The following CTPS2 variants were observed in gnomAD, a reference collection of about 807,000 sequenced individuals.
CTPS2 encodes the protein CTP synthase II.
In CTPS2, 19 loss-of-function variants were observed where a neutral mutation model predicts 46.8. That is an observed-to-expected ratio of 0.41 (90% CI 0.28 to 0.60). The LOEUF is 0.60. Among genes scored for constraint, CTPS2 ranks in the 20% least tolerant of loss-of-function variants. CTPS2 has a pLI of 0.35. For missense variants in CTPS2, 286 were observed against 447.6 expected, an observed-to-expected ratio of 0.64 and a Z score of 3.26; for synonymous variants, 151 against 165.2, an observed-to-expected ratio of 0.91 and a Z score of 0.66.
At chrX:16,691,649 C>G (rs367904760) in intron 6 of CTPS2, 29 bp from the exon 7 acceptor site, 2 of 1,135,106 alleles carry the variant, frequency 1.8e-6, no homozygotes, top group Non-Finnish European at 2.4e-6. Flanking sequence ...CTTCAGCAAA[C>G]AGGATTCACT....
At chrX:16,663,984 T>C (rs181601361) in intron 13 of CTPS2, among the ~76,000 whole-genome samples, 1,964 of 110,692 alleles carry the variant, frequency 0.018, 38 homozygotes, top group African/African-American at 0.055. Flanking sequence ...TACAGGCGCG[T>C]GCCACCACGC....
At chrX:16,594,493 G>A (rs930305699) in intron 17 of CTPS2, among the ~76,000 whole-genome samples, 52 of 111,670 alleles carry the variant, frequency 4.7e-4, no homozygotes, top group Middle Eastern at 4.6e-3. Flanking sequence ...CTATTGATAG[G>A]GGTTATATAT....
intron 10 of CTPS2, among the ~76,000 whole-genome samples, chrX:16,678,008 A>AG (rs996302172): frequency 1.3e-4 from 14 of 110,731 alleles, no homozygotes; most frequent in African/African-American, 4.3e-4. Context: ...AAAGAGAGAG[A>AG]AAAAAAAAGC....
intron 8 of CTPS2, among the ~76,000 whole-genome samples, chrX:16,685,345 G>T (rs766699662): frequency 9.0e-6 from 1 of 111,650 alleles, no homozygotes; most frequent in African/African-American, 3.3e-5. Context: ...TCACTGGGCA[G>T]CAGGTGGTAC....
At chrX:16,610,628 T>G (rs1034980417) in intron 16 of CTPS2, among the ~76,000 whole-genome samples, 2 of 112,290 alleles carry the variant, frequency 1.8e-5, no homozygotes, top group Admixed American at 9.5e-5. Context: ...TGGAAAGCAG[T>G]TTGGAGATTT....
intron 14 of CTPS2, among the ~76,000 whole-genome samples, chrX:16,631,302 C>T (rs1191382795): frequency 9.3e-6 from 1 of 108,088 alleles, no homozygotes; most frequent in East Asian, 2.9e-4. Context: ...GAGCCAAGAT[C>T]ATGCCACTGC....
At position 16,709,435 on chromosome X, in the gene CTPS2, A is replaced by T. The variant is rs1240222818; in HGVS notation, c.-40+2900T>A. On this transcript the variant is annotated intron_variant, in intron 1 of 18. Transcript: ENST00000359276. Reference sequence around the variant, plus strand: ...AAAGTAAAACCGTGTCTCAAAAAAAAAAAAAAAGGAAGAAAGAAAATGCTT... The same window carrying T: ...AAAGTAAAACCGTGTCTCAAAAAAATAAAAAAAGGAAGAAAGAAAATGCTT... Among the ~76,000 whole-genome samples the T allele has an allele frequency of 8.1e-5, 9 of 111,282 alleles. No individual in the cohort carries two copies. The Admixed American group carries it at 8.6e-4, about 11-fold the overall frequency.
intron 13 of CTPS2, among the ~76,000 whole-genome samples, chrX:16,640,028 A>G (rs1047031835): frequency 9.0e-6 from 1 of 110,817 alleles, no homozygotes; most frequent in African/African-American, 3.3e-5. Context: ...GGCTACAGCA[A>G]TGGCTCACTG....
chrX:16,640,877 T>C (rs1349042909), intron 13 of CTPS2, among the ~76,000 whole-genome samples: 1 of 111,665 alleles, frequency 9.0e-6, no homozygotes, highest in African/African-American at 3.3e-5. Flanking sequence ...AAATGTCTGA[T>C]CTTATCAGTG....
At chrX:16,626,002 C>T (rs745465224) in intron 14 of CTPS2, among the ~76,000 whole-genome samples, 5 of 111,462 alleles carry the variant, frequency 4.5e-5, no homozygotes, top group Non-Finnish European at 5.7e-5. Flanking sequence ...GCTTGAGGGT[C>T]GGGCCTTTGC....
chrX:16,693,497 G>GA lies in CTPS2; in HGVS notation c.439-11dup. On this transcript the variant is annotated splice_polypyrimidine_tract_variant and intron_variant, in intron 4 of 18. Transcript: ENST00000359276. ...CAATGGTGCCTCCCAGCTGGGAATG[G>GA]AAAACAAACAAAAAAAGACACAAAT... is the stretch of plus-strand genomic sequence containing the variant. 1 of 1,105,807 alleles carries GA rather than the reference G, an allele frequency of 9.0e-7. No individual in the cohort carries two copies. Among genetic ancestry groups the GA allele is most frequent in the Admixed American group, 2.3e-5 (1 of 43,456 alleles). 91.1% of individuals were successfully genotyped at this position (1,105,807 alleles called of 1,213,427 possible).
At chrX:16,610,564 T>A (rs1347725105) in intron 16 of CTPS2, among the ~76,000 whole-genome samples, 2 of 112,384 alleles carry the variant, frequency 1.8e-5, no homozygotes, top group Non-Finnish European at 3.8e-5. Flanking sequence ...CTGGCAAGGC[T>A]GTGGAGAAAA....
chrX:16,656,478 C>T (rs367983421), intron 13 of CTPS2, among the ~76,000 whole-genome samples: 1 of 108,643 alleles, frequency 9.2e-6, no homozygotes, highest in East Asian at 2.9e-4. Flanking sequence ...GGCGCCATCT[C>T]GGCTCACTGC....
chrX:16,612,363 TA>T (rs1445368770), intron 16 of CTPS2, among the ~76,000 whole-genome samples: 1 of 111,944 alleles, frequency 8.9e-6, no homozygotes, highest in Non-Finnish European at 1.9e-5. Flanking sequence ...AGTCCGCTTT[TA>T]AAAACTGCAA....
chrX:16,617,356 A>G (rs1930588358), intron 15 of CTPS2, 110 bp from the exon 16 acceptor site: 4 of 454,517 alleles, frequency 8.8e-6, no homozygotes, highest in Non-Finnish European at 1.5e-5. Flanking sequence ...TCTAACTAGT[A>G]GTTAATGTCT....
intron 13 of CTPS2, among the ~76,000 whole-genome samples, chrX:16,648,426 G>C (rs752079580): frequency 4.2e-4 from 47 of 112,153 alleles, no homozygotes; most frequent in Middle Eastern, 4.6e-3. Context: ...TCGAAAGGCA[G>C]ACTGGTGTTC....
chrX:16,694,380 T>G (rs1191704772), intron 4 of CTPS2, among the ~76,000 whole-genome samples: 7 of 110,933 alleles, frequency 6.3e-5, no homozygotes, highest in Non-Finnish European at 1.3e-4. Context: ...CCAAGAGAGA[T>G]GCATCCTCCT....
chrX:16,702,876 C>T lies in CTPS2; in HGVS notation c.27G>A (p.Gly9=). 1.7e-6 allele frequency: 2 copies of T among 1,209,626 alleles called. No homozygotes were observed. Among genetic ancestry groups the T allele is most frequent in the Non-Finnish European group, 1.1e-6 (1 of 894,288 alleles). ...TCCCTTTACCAATGCCTGAGATGAC[C>T]CCACCCGTGACCAGGATGTACTTCA... The part of the protein sequence containing the change: MKYILVTG[G]VISGIGKGII... Residue 9 remains glycine, a synonymous_variant, in exon 2 of 19, where the codon GGG becomes GGA. Coordinates refer to ENST00000359276, the MANE Select transcript of CTPS2 (RefSeq NM_175859.3).
intron 16 of CTPS2, among the ~76,000 whole-genome samples, chrX:16,612,321 C>A (rs752281815): frequency 8.9e-6 from 1 of 111,863 alleles, no homozygotes; most frequent in Non-Finnish European, 1.9e-5. Context: ...AGATCAAAAT[C>A]TTCTGGGGAA....
Sources: allele counts gnomAD v4.1 joint callset (sites outside exome capture counted in the v4.1 genomes callset), GRCh38; gene constraint gnomAD v4.1.1; transcripts MANE v1.5; gene names NCBI Gene and HGNC (gene_info 2026-07-23, HGNC 2026-07-21).